Variants in ARHGAP40 observed in about 807,000 individuals in gnomAD.
ARHGAP40 encodes the protein Rho GTPase activating protein 40.
ARHGAP40 carries 43 observed loss-of-function variants against 73.5 expected under a neutral mutation model. The observed-to-expected ratio is 0.58, with a 90% CI of 0.46 to 0.75. The LOEUF is 0.75. Ranked by LOEUF, ARHGAP40 falls within the 30% of genes least tolerant of loss-of-function variation. The pLI, the probability that ARHGAP40 is intolerant of heterozygous loss-of-function variation, is 0.00. For missense variants in ARHGAP40, 734 were observed against 861.8 expected, an observed-to-expected ratio of 0.85 and a Z score of 1.86; for synonymous variants, 300 against 352.8, an observed-to-expected ratio of 0.85 and a Z score of 1.68.
chr20:38,631,880 G>A (rs940614685), intron 5 of ARHGAP40, among the ~76,000 whole-genome samples: 1 of 151,996 alleles, frequency 6.6e-6, no homozygotes, highest in African/African-American at 2.4e-5. Flanking sequence ...GAACTCCCAC[G>A]TACTCTGCAC....
intron 1 of ARHGAP40, among the ~76,000 whole-genome samples, chr20:38,605,616 A>G (rs2088766763): frequency 1.3e-5 from 2 of 152,202 alleles, no homozygotes. Flanking sequence ...TTGGTATAAA[A>G]ATGCAAAAAA....
chr20:38,649,926 A>C (rs6027040), exon 15 of ARHGAP40: 272,857 of 1,074,996 alleles, frequency 0.25, 35,719 homozygotes, highest in Non-Finnish European at 0.27. Flanking sequence ...CCAGCATGAG[A>C]ACAAAGCTAT....
In ARHGAP40 at chr20:38,625,325, TA is replaced by T. The variant is rs537303378; in HGVS notation, c.338-1667del. Among the ~76,000 whole-genome samples, 62 of 151,778 alleles carry T rather than the reference TA, an allele frequency of 4.1e-4. No homozygotes were observed. The East Asian group carries it at 8.7e-3, about 21-fold the overall frequency. On this transcript the variant is annotated intron_variant, in intron 2 of 14. Transcript: ENST00000373345. Reference sequence around the variant, plus strand: ...AGAGAAGCCACTTTGAGCAACCAAATAAACACAGGAGCTTTTTTAGACTCAC... The same window carrying T: ...AGAGAAGCCACTTTGAGCAACCAAATAACACAGGAGCTTTTTTAGACTCAC...
At chr20:38,602,595 T>A (rs1402273664) in intron 1 of ARHGAP40, among the ~76,000 whole-genome samples, 1 of 152,178 alleles carries the variant, frequency 6.6e-6, no homozygotes, top group East Asian at 1.9e-4. Flanking sequence ...ATATTACAAT[T>A]TGATTATTAT....
chr20:38,631,248 C>T (rs1288442241), intron 5 of ARHGAP40, among the ~76,000 whole-genome samples: 1 of 147,694 alleles, frequency 6.8e-6, no homozygotes, highest in Non-Finnish European at 1.5e-5. Flanking sequence ...GAGGTTGAAG[C>T]TGCAGTGAGC....
chr20:38,645,995 C>G (rs1167238494), intron 11 of ARHGAP40, 52 bp from the exon 12 acceptor site: 1 of 1,249,692 alleles, frequency 8.0e-7, no homozygotes, highest in East Asian at 5.9e-5. Context: ...GGCTCTGCCT[C>G]TCGCCCCCAG....
chr20:38,636,430 T>A (rs957449494), intron 6 of ARHGAP40, among the ~76,000 whole-genome samples: 1 of 151,834 alleles, frequency 6.6e-6, no homozygotes, highest in Non-Finnish European at 1.5e-5. Context: ...GCCCTGCTAA[T>A]TTTTGTATTT....
At chr20:38,649,930 A>G (rs1261293774) in exon 15 of ARHGAP40, 27 of 1,031,894 alleles carry the variant, frequency 2.6e-5, no homozygotes, top group Non-Finnish European at 2.9e-5. Context: ...CATGAGAACA[A>G]AGCTATTCCA....
chr20:38,628,637 C>T (rs2088918136), intron 3 of ARHGAP40, among the ~76,000 whole-genome samples: 1 of 152,178 alleles, frequency 6.6e-6, no homozygotes, highest in South Asian at 2.1e-4. Flanking sequence ...CACTGTGTAT[C>T]CTGCTGACAC....
exon 5 of ARHGAP40, chr20:38,629,547 C>T (rs983848149): frequency 7.7e-7 from 1 of 1,305,298 alleles, no homozygotes; most frequent in Admixed American, 2.3e-5. Context: ...AGGGAAGAAG[C>T]CTTCAACATG....
Position 38,646,113 on chromosome 20 carries a change from TGC to T in ARHGAP40, c.1638_1639del (p.Cys546Ter). On this transcript the variant is annotated frameshift_variant, in exon 12 of 15. Coordinates refer to ENST00000373345, the Ensembl canonical transcript of ARHGAP40. LOFTEE classifies it high-confidence loss of function. The surrounding 1 kb of genome is among the most constrained non-coding windows in gnomAD (Gnocchi z 4.5). ...CAGTAGCAGCAGGCGCCCCCAGCTC[TGC>T]GACGCAGGCCTCAAGACTTGGCTGC... is the stretch of plus-strand genomic sequence containing the variant. The T allele has an allele frequency of 7.7e-7, 1 of 1,304,218 alleles. No homozygotes were observed. The highest frequency in any genetic ancestry group is 1.5e-5 in the African/African-American group (1 of 65,986). The allele number at this position is 1,304,218 out of a possible 1,614,324, so 80.8% of individuals were successfully genotyped here.
chr20:38,603,493 C>T (rs540302570), intron 1 of ARHGAP40, among the ~76,000 whole-genome samples: 14 of 152,090 alleles, frequency 9.2e-5, no homozygotes, highest in Admixed American at 9.2e-4. Context: ...ATCTATCTAT[C>T]TATTCTGTAT....
At chr20:38,636,904 G>A (rs560052529) in intron 6 of ARHGAP40, among the ~76,000 whole-genome samples, 1 of 152,132 alleles carries the variant, frequency 6.6e-6, no homozygotes, top group Non-Finnish European at 1.5e-5. Flanking sequence ...AAAAAGACCA[G>A]GGGGAGGAAT....
At chr20:38,618,963 C>T (rs1009999771) in intron 1 of ARHGAP40, among the ~76,000 whole-genome samples, 12 of 152,216 alleles carry the variant, frequency 7.9e-5, no homozygotes, top group African/African-American at 2.9e-4. Context: ...TCCACCACAA[C>T]TACTGTATTC....
intron 11 of ARHGAP40, among the ~76,000 whole-genome samples, chr20:38,645,233 G>A (rs568284861): frequency 4.0e-5 from 6 of 151,412 alleles, no homozygotes; most frequent in South Asian, 4.2e-4. Flanking sequence ...CTCCTCTGTC[G>A]AAAGTCCCCT....
intron 5 of ARHGAP40, among the ~76,000 whole-genome samples, chr20:38,634,338 C>A (rs965825907): frequency 1.3e-5 from 2 of 152,128 alleles, no homozygotes; most frequent in African/African-American, 4.8e-5. Context: ...GGCAACAGAG[C>A]AAGACCGTGT....
chr20:38,643,145 CAAA>C (rs61492761), intron 10 of ARHGAP40, among the ~76,000 whole-genome samples: 18 of 133,432 alleles, frequency 1.3e-4, no homozygotes, highest in African/African-American at 8.5e-5. Context: ...GACTCTGACT[CAAA>C]AAAAAAAAAA....
At chr20:38,610,524 G>T (rs6026793) in intron 1 of ARHGAP40, among the ~76,000 whole-genome samples, 130,816 of 152,228 alleles carry the variant, frequency 0.86, 56,678 homozygotes, top group East Asian at 0.95. Context: ...ATTACAGTTT[G>T]GTTTTATGCA....
rs3064344 is a variant in ARHGAP40 at position 38,616,935 on chromosome 20, C to CTTTATTTATTTATTTA, written c.138-6412_138-6397dup. 4.5e-3 allele frequency among the ~76,000 whole-genome samples: 677 copies of CTTTATTTATTTATTTA among 149,964 alleles called. 2 individuals are homozygous for CTTTATTTATTTATTTA. The highest frequency in any genetic ancestry group is 0.014 in the Middle Eastern group (4 of 288). On this transcript the variant is annotated intron_variant, in intron 1 of 14. Transcript: ENST00000373345. ...TGCTGTTAGTACTGAGCTTGAGGAA[C>CTTTATTTATTTATTTA]TTTATTTATTTATTTATTTATTTAT...
Sources: allele counts gnomAD v4.1 joint callset (sites outside exome capture counted in the v4.1 genomes callset), GRCh38; gene constraint gnomAD v4.1.1; non-coding constraint Gnocchi (gnomAD v3.1); transcripts MANE v1.5; gene names NCBI Gene and HGNC (gene_info 2026-07-23, HGNC 2026-07-21).